RASA3: variants seen among roughly 807,000 people sequenced by gnomAD.
The protein encoded by RASA3 is ras GTPase-activating protein 3.
Under a neutral mutation model 110.0 loss-of-function variants are expected in RASA3, and 73 were observed. The observed-to-expected ratio is 0.66, with a 90% CI of 0.55 to 0.81. The LOEUF (loss-of-function observed/expected upper bound fraction) is 0.81, where lower values mean the gene tolerates loss of function less well. Ranked by LOEUF, RASA3 falls within the 30% of genes least tolerant of loss-of-function variation. The probability of loss-of-function intolerance (pLI) is 0.00; values close to 1 mark genes in which losing one functional copy is unlikely to be tolerated. For missense variants in RASA3, 976 were observed against 1,113.2 expected (o/e 0.88, Z 1.75); for synonymous variants, 500 against 451.4 (o/e 1.11, Z -1.37).
At chr13:114,078,756 T>C (rs999458971) in intron 1 of RASA3, among the ~76,000 whole-genome samples, 1 of 152,210 alleles carries the variant, frequency 6.6e-6, no homozygotes, top group African/African-American at 2.4e-5. Context: ...TTCTGGGCCA[T>C]GGAGGGAAGC....
At chr13:114,034,451 G>C (rs564732658) in intron 4 of RASA3, among the ~76,000 whole-genome samples, 4 of 152,306 alleles carry the variant, frequency 2.6e-5, no homozygotes, top group African/African-American at 9.6e-5. Context: ...AGCAGGCTGT[G>C]CGGCCCCCGT....
intron 3 of RASA3, among the ~76,000 whole-genome samples, chr13:114,042,129 T>G (rs561265724): frequency 6.6e-6 from 1 of 152,386 alleles, no homozygotes; most frequent in East Asian, 1.9e-4. Flanking sequence ...TATCTGCTTA[T>G]ACGTTCACCT....
intron 20 of RASA3, among the ~76,000 whole-genome samples, chr13:113,998,094 G>A (rs2053296813): frequency 1.3e-5 from 2 of 152,206 alleles, no homozygotes; most frequent in African/African-American, 4.8e-5. Flanking sequence ...GAACAGCTGG[G>A]AACAGGCGGC....
At chr13:114,125,737 G>T (rs1035342598) in intron 1 of RASA3, among the ~76,000 whole-genome samples, 5 of 152,130 alleles carry the variant, frequency 3.3e-5, no homozygotes, top group African/African-American at 9.7e-5. Flanking sequence ...AAAGCTAGAA[G>T]CTCTGGTTGC....
At chr13:114,101,558 G>C (rs1026742837) in intron 1 of RASA3, among the ~76,000 whole-genome samples, 1 of 152,242 alleles carries the variant, frequency 6.6e-6, no homozygotes. Flanking sequence ...GGCCCCAGCC[G>C]GCACTGCACG....
At chr13:114,052,325 C>T (rs182887695) in intron 2 of RASA3, among the ~76,000 whole-genome samples, 170 bp from the exon 3 acceptor site, 133 of 152,310 alleles carry the variant, frequency 8.7e-4, no homozygotes, top group African/African-American at 3.1e-3. Flanking sequence ...GGCCTCGTAG[C>T]TGCTCCCCGG....
At chr13:114,104,519 G>A (rs575787358) in intron 1 of RASA3, among the ~76,000 whole-genome samples, 1 of 152,256 alleles carries the variant, frequency 6.6e-6, no homozygotes, top group East Asian at 1.9e-4. Context: ...GTCATCAGGG[G>A]CGGGAACTCC....
intron 1 of RASA3, among the ~76,000 whole-genome samples, chr13:114,103,775 T>C (rs12874512): frequency 0.054 from 6 of 112 alleles, no homozygotes; most frequent in Non-Finnish European, 0.11. Context: ...GATGCGTCCA[T>C]GCTGCCACAG....
rs2080250487 is a variant in RASA3 at position 114,114,146 on chromosome 13, C to A, written c.55+18289G>T. Among the ~76,000 whole-genome samples, 1 of 152,218 alleles carries A rather than the reference C, an allele frequency of 6.6e-6. No individual in the cohort carries two copies. Among genetic ancestry groups the A allele is most frequent in the African/African-American group, 2.4e-5 (1 of 41,442 alleles). ...ATCTGCAATGTCCATGCAGCTCTCA[C>A]CATGTCCATCAATCCACCCCACCAC... is the stretch of plus-strand genomic sequence containing the variant. On this transcript the variant is annotated intron_variant, in intron 1 of 23. Coordinates refer to ENST00000334062, the MANE Select transcript of RASA3 (RefSeq NM_007368.4). The surrounding 1 kb of genome is among the most constrained non-coding windows in gnomAD (Gnocchi z 4.8).
At chr13:113,982,251 T>A (rs1036467566) in intron 22 of RASA3, among the ~76,000 whole-genome samples, 3 of 152,184 alleles carry the variant, frequency 2.0e-5, no homozygotes, top group Non-Finnish European at 4.4e-5. Flanking sequence ...CTGGGCTGGC[T>A]CATGGGCCCT....
intron 19 of RASA3, 86 bp from the exon 20 acceptor site, chr13:113,999,753 G>A (rs2053340956): frequency 1.0e-6 from 1 of 954,478 alleles, no homozygotes; most frequent in Non-Finnish European, 1.6e-6. Flanking sequence ...CTGCCGGGGG[G>A]TCTCCCAGGG....
At chr13:114,022,037 T>C (rs2053937905) in intron 8 of RASA3, among the ~76,000 whole-genome samples, 1 of 151,838 alleles carries the variant, frequency 6.6e-6, no homozygotes, top group African/African-American at 2.4e-5. Context: ...ACCAGCAGTC[T>C]GTGCACGGCG....
At position 114,014,315 on chromosome 13, in the gene RASA3, G is replaced by C. The variant is rs1282637228; in HGVS notation, c.1405+894C>G. On this transcript the variant is annotated intron_variant, in intron 14 of 23. Transcript: ENST00000334062. The surrounding 1 kb of genome is among the most constrained non-coding windows in gnomAD (Gnocchi z 4.5). ...CTTGTTCAAAGTGGGTCTGGGGCTG[G>C]GATGTGCTTGGGAACTGCCTCCCCC... Among the ~76,000 whole-genome samples the C allele has an allele frequency of 6.6e-6, 1 of 152,194 alleles. No homozygotes were observed. Among genetic ancestry groups the C allele is most frequent in the Non-Finnish European group, 1.5e-5 (1 of 68,036 alleles).
intron 23 of RASA3, among the ~76,000 whole-genome samples, chr13:113,980,233 T>TGC (rs1389904301): frequency 1.4e-5 from 2 of 142,762 alleles, no homozygotes; most frequent in Non-Finnish European, 3.0e-5. Context: ...TCCTGCTGTG[T>TGC]GCGCCTCCTC....
At chr13:114,104,315 C>G (rs796262411) in intron 1 of RASA3, among the ~76,000 whole-genome samples, 1 of 108,356 alleles carries the variant, frequency 9.2e-6, no homozygotes, top group East Asian at 3.7e-4. Flanking sequence ...CACCCACCCC[C>G]GATGCGTCCA....
In RASA3 at chr13:114,027,921, G is replaced by A. The variant is rs778454138; in HGVS notation, c.456C>T (p.Val152=). The A allele has an allele frequency of 4.4e-5, 71 of 1,613,218 alleles. No homozygotes were observed. The highest frequency in any genetic ancestry group is 5.3e-5 in the Non-Finnish European group (62 of 1,179,560). ...VVCHKLATRI[V]ECQGLPIVNG... The stretch of plus-strand genomic sequence containing the variant: ...TCACGATGGGGAGGCCCTGGCACTC[G>A]ACGATGCTGAGGAGAGAAGCAGAGG... The change falls in exon 6 of 24, where the codon GTC becomes GTT. Residue 152 remains valine, a synonymous_variant. Coordinates refer to ENST00000334062, the MANE Select transcript of RASA3 (RefSeq NM_007368.4).
chr13:114,012,206 A>ACTG (rs1296766117), intron 15 of RASA3, among the ~76,000 whole-genome samples: 1 of 152,028 alleles, frequency 6.6e-6, no homozygotes, highest in Admixed American at 6.5e-5. Context: ...CAAACCGTCC[A>ACTG]CTGCTTTTGT....
chr13:114,073,335 G>T (rs537228028), intron 2 of RASA3, among the ~76,000 whole-genome samples: 58 of 137,802 alleles, frequency 4.2e-4, no homozygotes, highest in African/African-American at 1.6e-3. Flanking sequence ...ATGGGACGGT[G>T]ATGTACATGC....
intron 1 of RASA3, among the ~76,000 whole-genome samples, chr13:114,087,778 G>A (rs999340292): frequency 3.3e-5 from 5 of 152,242 alleles, no homozygotes; most frequent in African/African-American, 7.2e-5. Flanking sequence ...TTGGAGGGCC[G>A]GAGGCAGCAA....
Sources: allele counts gnomAD v4.1 joint callset (sites outside exome capture counted in the v4.1 genomes callset), GRCh38; gene constraint gnomAD v4.1.1; non-coding constraint Gnocchi (gnomAD v3.1); transcripts MANE v1.5; gene names NCBI Gene and HGNC (gene_info 2026-07-23, HGNC 2026-07-21).